Variants in DRC11 observed in about 807,000 individuals in gnomAD.
DRC11 encodes IQ and AAA domain-containing protein 1.
chr2:236,442,653 T>C, the DRC11 span, among the ~76,000 whole-genome samples: 2 of 152,226 alleles, frequency 1.3e-5, no homozygotes, highest in South Asian at 4.1e-4. Flanking sequence ...AACGATGCTT[T>C]GCAGAATTAT....
the DRC11 span, among the ~76,000 whole-genome samples, chr2:236,348,845 T>G: frequency 6.6e-6 from 1 of 152,132 alleles, no homozygotes; most frequent in Non-Finnish European, 1.5e-5. This position sits in a 1 kb window ranked among gnomAD's most constrained non-coding sequence, Gnocchi z 7.4. Context: ...CTGCACTCTC[T>G]CAATACCACC....
chr2:236,357,168 C>CTG, the DRC11 span, among the ~76,000 whole-genome samples: 4 of 80,510 alleles, frequency 5.0e-5, no homozygotes, highest in Non-Finnish European at 7.0e-5. Context: ...TCATATATAT[C>CTG]TATATATTAT....
chr2:236,357,476 A>G, the DRC11 span, among the ~76,000 whole-genome samples: 2 of 127,236 alleles, frequency 1.6e-5, no homozygotes, highest in South Asian at 4.7e-4. Context: ...TATTACATGT[A>G]TATTTATATA....
chr2:236,324,019 G>T, the DRC11 span: 1 of 152,300 alleles, frequency 6.6e-6, no homozygotes, highest in African/African-American at 2.4e-5. This position sits in a 1 kb window ranked among gnomAD's most constrained non-coding sequence, Gnocchi z 5.7. Context: ...ACTAGGCGGG[G>T]TGGATGATGT....
chr2:236,366,431 C>T, the DRC11 span, among the ~76,000 whole-genome samples: 2 of 152,366 alleles, frequency 1.3e-5, no homozygotes, highest in African/African-American at 4.8e-5. Flanking sequence ...AAATGTAAAT[C>T]AGCCTCCCAA....
At chr2:236,433,589 T>C in the DRC11 span, among the ~76,000 whole-genome samples, 1 of 152,248 alleles carries the variant, frequency 6.6e-6, no homozygotes, top group African/African-American at 2.4e-5. Context: ...CATGTTAATT[T>C]TGTAATCCCC....
chr2:236,487,230 A>C, the DRC11 span, among the ~76,000 whole-genome samples: 8 of 152,190 alleles, frequency 5.3e-5, no homozygotes, highest in African/African-American at 1.7e-4. Flanking sequence ...TTCCAAAGTA[A>C]TGTGGGGAAA....
At chr2:236,402,636 A>T in the DRC11 span, among the ~76,000 whole-genome samples, 1 of 152,252 alleles carries the variant, frequency 6.6e-6, no homozygotes, top group Admixed American at 6.5e-5. The surrounding 1 kb of genome is among the most constrained non-coding windows in gnomAD (Gnocchi z 6.0). Context: ...GAGAACCTGG[A>T]CCCAGAAACA....
the DRC11 span, among the ~76,000 whole-genome samples, chr2:236,398,882 T>C: frequency 6.6e-6 from 1 of 152,206 alleles, no homozygotes; most frequent in Admixed American, 6.5e-5. The surrounding 1 kb of genome is among the most constrained non-coding windows in gnomAD (Gnocchi z 6.2). Flanking sequence ...CATGAAAACA[T>C]TCAGCTGAAG....
chr2:236,443,734 C>T, the DRC11 span, among the ~76,000 whole-genome samples: 1 of 152,184 alleles, frequency 6.6e-6, no homozygotes, highest in Admixed American at 6.5e-5. The surrounding 1 kb of genome is among the most constrained non-coding windows in gnomAD (Gnocchi z 4.4). Flanking sequence ...TGGCTATATA[C>T]CCAGTAATGG....
chr2:236,389,656 G>C, the DRC11 span, among the ~76,000 whole-genome samples: 2 of 152,194 alleles, frequency 1.3e-5, no homozygotes, highest in African/African-American at 4.8e-5. Flanking sequence ...GTAGGCCGGA[G>C]CTGTTCCTAT....
the DRC11 span, among the ~76,000 whole-genome samples, chr2:236,450,993 C>T: frequency 9.1e-4 from 139 of 152,318 alleles, 1 homozygote; most frequent in African/African-American, 3.2e-3. Flanking sequence ...GATTTATCAT[C>T]TTTCCATTTA....
the DRC11 span, chr2:236,368,121 A>G: frequency 2.3e-6 from 2 of 875,378 alleles, no homozygotes; most frequent in Admixed American, 4.0e-5. Flanking sequence ...GACAAACAGG[A>G]ACACACTGTC....
chr2:236,426,288 T>C, the DRC11 span, among the ~76,000 whole-genome samples: 2 of 152,058 alleles, frequency 1.3e-5, no homozygotes, highest in Non-Finnish European at 2.9e-5. This position sits in a 1 kb window ranked among gnomAD's most constrained non-coding sequence, Gnocchi z 4.1. Flanking sequence ...TTTCTATTTA[T>C]TTGTGTCCTC....
the DRC11 span, among the ~76,000 whole-genome samples, chr2:236,475,911 T>G: frequency 6.6e-6 from 1 of 152,294 alleles, no homozygotes; most frequent in Non-Finnish European, 1.5e-5. This position sits in a 1 kb window ranked among gnomAD's most constrained non-coding sequence, Gnocchi z 4.8. Flanking sequence ...GGGTTTTCAG[T>G]TCTGTTCCAC....
At chr2:236,415,256 T>G in the DRC11 span, among the ~76,000 whole-genome samples, 1 of 152,172 alleles carries the variant, frequency 6.6e-6, no homozygotes, top group South Asian at 2.1e-4. The surrounding 1 kb of genome is among the most constrained non-coding windows in gnomAD (Gnocchi z 5.7). Flanking sequence ...GCAATTGATA[T>G]GTGGTCTTGT....
At chr2:236,372,425 G>T in the DRC11 span, among the ~76,000 whole-genome samples, 1 of 152,096 alleles carries the variant, frequency 6.6e-6, no homozygotes. This position sits in a 1 kb window ranked among gnomAD's most constrained non-coding sequence, Gnocchi z 4.5. Context: ...TATTAGTTCT[G>T]TTTAGAAATA....
the DRC11 span, among the ~76,000 whole-genome samples, chr2:236,343,397 G>A: frequency 1.3e-5 from 2 of 152,328 alleles, no homozygotes; most frequent in Admixed American, 6.5e-5. The surrounding 1 kb of genome is among the most constrained non-coding windows in gnomAD (Gnocchi z 6.6). Context: ...CTCAGAGGCC[G>A]TGCGGGCTGA....
At chr2:236,391,651 G>A in the DRC11 span, among the ~76,000 whole-genome samples, 1 of 152,194 alleles carries the variant, frequency 6.6e-6, no homozygotes, top group African/African-American at 2.4e-5. This position sits in a 1 kb window ranked among gnomAD's most constrained non-coding sequence, Gnocchi z 4.5. Flanking sequence ...TCTATGTACA[G>A]GAACAGTTGG....
Sources: gnomAD v4.1 joint callset for allele counts (sites outside exome capture counted in the v4.1 genomes callset) on GRCh38, gnomAD v4.1.1 for gene constraint, Gnocchi (gnomAD v3.1) non-coding constraint, MANE v1.5 for transcripts, NCBI Gene and HGNC (gene_info 2026-07-23, HGNC 2026-07-21) for gene names.